Variants in TTC27 observed in about 807,000 individuals in gnomAD.
TTC27 encodes tetratricopeptide repeat domain 27, also known as tetratricopeptide repeat protein 27.
In TTC27, 79 loss-of-function variants were observed where a neutral mutation model predicts 115.9. That is an observed-to-expected ratio of 0.68 (90% confidence interval 0.57 to 0.82). The LOEUF (loss-of-function observed/expected upper bound fraction) is 0.82, where lower values mean the gene tolerates loss of function less well. Ranked by LOEUF, TTC27 falls within the 40% of genes least tolerant of loss-of-function variation. The probability of loss-of-function intolerance (pLI) is 0.00; values close to 1 mark genes in which losing one functional copy is unlikely to be tolerated. For synonymous variants in TTC27, 401 were observed against 356.0 expected, an observed-to-expected ratio of 1.13 and a Z score of -1.42; for missense variants, 1,054 against 993.1, an observed-to-expected ratio of 1.06 and a Z score of -0.82.
intron 7 of TTC27, among the ~76,000 whole-genome samples, chr2:32,669,398 G>A (rs1665923599): frequency 6.6e-6 from 1 of 152,220 alleles, no homozygotes; most frequent in Non-Finnish European, 1.5e-5. Flanking sequence ...TGTAGGTATG[G>A]ATTAGATAGA....
At chr2:32,695,012 GT>G (rs1490080272) in intron 9 of TTC27, among the ~76,000 whole-genome samples, 1 of 151,930 alleles carries the variant, frequency 6.6e-6, no homozygotes, top group Non-Finnish European at 1.5e-5. Context: ...GACAGTAGTG[GT>G]TTTGTAAAAT....
At chr2:32,664,213 A>G (rs190325026) in intron 5 of TTC27, 90 bp from the exon 6 acceptor site, 39 of 1,142,148 alleles carry the variant, frequency 3.4e-5, no homozygotes, top group Middle Eastern at 3.0e-4. Flanking sequence ...ACTATGTACT[A>G]TATACTTTAT....
intron 7 of TTC27, among the ~76,000 whole-genome samples, chr2:32,671,329 A>G (rs1227584687): frequency 1.3e-5 from 2 of 151,970 alleles, no homozygotes; most frequent in African/African-American, 2.4e-5. Flanking sequence ...TTGTTCTGAC[A>G]TCATTCATTC....
At chr2:32,715,568 G>C (rs115804043) in intron 10 of TTC27, among the ~76,000 whole-genome samples, 3 of 152,260 alleles carry the variant, frequency 2.0e-5, no homozygotes, top group African/African-American at 7.2e-5. Context: ...TGCTTTGAAG[G>C]AGTGGGGATT....
chr2:32,726,155 C>G (rs544572747), intron 10 of TTC27, among the ~76,000 whole-genome samples: 2 of 152,312 alleles, frequency 1.3e-5, no homozygotes. Flanking sequence ...CCCTTTCGCC[C>G]TGGAGACATT....
At chr2:32,630,804 A>T in intron 2 of TTC27, 104 bp downstream of exon 2, 1 of 1,064,354 alleles carries the variant, frequency 9.4e-7, no homozygotes. Context: ...ACCTTGCCTT[A>T]TATTTTACTC....
intron 5 of TTC27, among the ~76,000 whole-genome samples, chr2:32,653,593 C>CAAA (rs762255156): frequency 4.2e-5 from 4 of 94,294 alleles, no homozygotes; most frequent in Non-Finnish European, 6.8e-5. Context: ...GACTCCATCT[C>CAAA]AAAAAAAAAA....
intron 9 of TTC27, among the ~76,000 whole-genome samples, chr2:32,686,031 A>T (rs11890358): frequency 0.12 from 17,985 of 152,228 alleles, 1,377 homozygotes; most frequent in African/African-American, 0.22. Context: ...AATATAAAAA[A>T]GTCAATTATA....
At chr2:32,743,976 T>C (rs1668733111) in intron 12 of TTC27, among the ~76,000 whole-genome samples, 1 of 152,220 alleles carries the variant, frequency 6.6e-6, no homozygotes, top group Non-Finnish European at 1.5e-5. Context: ...TTAGTATTAG[T>C]TCCAGTTGAG....
chr2:32,647,404 A>G (rs527523902), intron 4 of TTC27, among the ~76,000 whole-genome samples: 103 of 152,322 alleles, frequency 6.8e-4, no homozygotes, highest in African/African-American at 2.2e-3. Flanking sequence ...TGCTATAGTG[A>G]TAGGAAAAGA....
chr2:32,818,287 G>A (rs757501997), intron 19 of TTC27, among the ~76,000 whole-genome samples: 1 of 152,040 alleles, frequency 6.6e-6, no homozygotes, highest in Non-Finnish European at 1.5e-5. Context: ...TGCTTATTTT[G>A]TATTTAAAGT....
At chr2:32,714,009 AGT>A (rs781441529) in intron 10 of TTC27, among the ~76,000 whole-genome samples, 5,081 of 152,186 alleles carry the variant, frequency 0.033, 125 homozygotes, top group Non-Finnish European at 0.044. Flanking sequence ...TATAAGTGAG[AGT>A]ATGCACTATT....
chr2:32,691,559 A>G lies in TTC27; in HGVS notation c.1120-11248A>G, dbSNP rs187541918. Reference sequence around the variant, plus strand: ...GGTGATCAGTCCACCTCAGCCTCCCAAAGTGGGGGGATTACAGGCATGAGC... The same window carrying G: ...GGTGATCAGTCCACCTCAGCCTCCCGAAGTGGGGGGATTACAGGCATGAGC... On this transcript the variant is annotated intron_variant, in intron 9 of 19. Coordinates refer to ENST00000317907, the MANE Select transcript of TTC27 (RefSeq NM_017735.5). 9.3e-3 allele frequency among the ~76,000 whole-genome samples: 1,422 copies of G among 152,184 alleles called. 11 individuals are homozygous for G. Among genetic ancestry groups the G allele is most frequent in the Middle Eastern group, 0.024 (7 of 294 alleles).
At chr2:32,698,985 A>G (rs1264927538) in intron 9 of TTC27, among the ~76,000 whole-genome samples, 1 of 152,180 alleles carries the variant, frequency 6.6e-6, no homozygotes, top group Non-Finnish European at 1.5e-5. Context: ...AAAAGAATCT[A>G]TTAGGTGGAT....
intron 9 of TTC27, among the ~76,000 whole-genome samples, chr2:32,691,276 T>C (rs911008366): frequency 2.2e-4 from 33 of 152,068 alleles, no homozygotes; most frequent in Non-Finnish European, 4.3e-4. Flanking sequence ...CTTAGGTACA[T>C]ATATAGCTTG....
At chr2:32,763,755 G>A (rs988599505) in intron 13 of TTC27, among the ~76,000 whole-genome samples, 11 of 152,118 alleles carry the variant, frequency 7.2e-5, no homozygotes, top group Admixed American at 1.3e-4. Context: ...TTATATTTAC[G>A]CTTTGGAGAT....
At chr2:32,728,120 A>G (rs1263497826) in intron 10 of TTC27, among the ~76,000 whole-genome samples, 1 of 147,074 alleles carries the variant, frequency 6.8e-6, no homozygotes, top group Non-Finnish European at 1.5e-5. Context: ...TGCTCACTGC[A>G]AGCTCCACCT....
At position 32,728,599 on chromosome 2, in the gene TTC27, C is replaced by T. The variant is rs1189797124; in HGVS notation, c.1234-5229C>T. ...TGAGAAGCTGCTTTCAATTTTGACA[C>T]ATCTGACATTGATCACATAGTTTTA... On this transcript the variant is annotated intron_variant, in intron 10 of 19. Transcript: ENST00000317907. Among the ~76,000 whole-genome samples the T allele has an allele frequency of 2.6e-5, 4 of 152,230 alleles. No individual in the cohort carries two copies. The East Asian group carries it at 7.7e-4, about 29-fold the overall frequency.
At chr2:32,682,841 ATTGTTG>A in intron 9 of TTC27, among the ~76,000 whole-genome samples, 1 of 77,504 alleles carries the variant, frequency 1.3e-5, no homozygotes, top group Admixed American at 1.8e-4. Context: ...GATAATTTTT[ATTGTTG>A]TTTTTTTTTT....
Sources: allele counts gnomAD v4.1 joint callset (sites outside exome capture counted in the v4.1 genomes callset), GRCh38; gene constraint gnomAD v4.1.1; transcripts MANE v1.5; gene names NCBI Gene and HGNC (gene_info 2026-07-23, HGNC 2026-07-21).